BABAM2: variants seen among roughly 807,000 people sequenced by gnomAD.
BABAM2 encodes the protein BRISC and BRCA1-A complex member 2.
BABAM2 carries 31 observed loss-of-function variants against 54.7 expected under a neutral mutation model. The observed-to-expected ratio is 0.57, with a 90% CI of 0.43 to 0.77. BABAM2 has a LOEUF of 0.77. Among genes scored for constraint, BABAM2 ranks in the 30% least tolerant of loss-of-function variants. BABAM2 has a pLI of 0.00. For missense variants in BABAM2, 364 were observed against 455.8 expected, an observed-to-expected ratio of 0.80 and a Z score of 1.83; for synonymous variants, 167 against 162.9, an observed-to-expected ratio of 1.03 and a Z score of -0.19.
intron 3 of BABAM2, among the ~76,000 whole-genome samples, chr2:27,954,654 G>C (rs936965163): frequency 6.6e-6 from 1 of 152,104 alleles, no homozygotes; most frequent in Non-Finnish European, 1.5e-5. Context: ...CTTTTTCTTG[G>C]AGCATGAACT....
chr2:27,922,504 A>G (rs1323393594), intron 2 of BABAM2, among the ~76,000 whole-genome samples: 1 of 152,258 alleles, frequency 6.6e-6, no homozygotes, highest in Non-Finnish European at 1.5e-5. Context: ...CTTTGATGCT[A>G]TCAAGAATTC....
At chr2:28,165,949 A>T (rs150032218) in intron 7 of BABAM2, among the ~76,000 whole-genome samples, 1 of 152,144 alleles carries the variant, frequency 6.6e-6, no homozygotes, top group African/African-American at 2.4e-5. Flanking sequence ...GTTTTTGGAG[A>T]TAAGGCCTTT....
intron 4 of BABAM2, among the ~76,000 whole-genome samples, chr2:28,022,334 G>A (rs529258565): frequency 1.4e-4 from 21 of 152,340 alleles, no homozygotes; most frequent in South Asian, 6.2e-4. Flanking sequence ...TGGAGGAAGA[G>A]TAGGCAGATT....
chr2:28,054,753 A>G (rs1261132607), intron 6 of BABAM2, among the ~76,000 whole-genome samples: 1 of 152,196 alleles, frequency 6.6e-6, no homozygotes, highest in Non-Finnish European at 1.5e-5. Flanking sequence ...CACAGTTTAT[A>G]GTATTTTGTT....
chr2:27,955,792 C>T (rs7581610), intron 3 of BABAM2, among the ~76,000 whole-genome samples: 12,109 of 152,170 alleles, frequency 0.08, 736 homozygotes, highest in African/African-American at 0.16. Context: ...AATATTTGCA[C>T]TGGATTTTCA....
intron 5 of BABAM2, among the ~76,000 whole-genome samples, chr2:28,042,201 A>T (rs1677153161): frequency 1.3e-5 from 2 of 152,230 alleles, no homozygotes. Flanking sequence ...AGAAGAGCAC[A>T]AAATCAGGAA....
chr2:27,904,055 C>A (rs143908560), intron 2 of BABAM2, among the ~76,000 whole-genome samples: 24 of 152,040 alleles, frequency 1.6e-4, no homozygotes, highest in Non-Finnish European at 2.2e-4. Context: ...ACCAAGACAG[C>A]GACTAAGTGA....
At chr2:27,928,641 T>C (rs1667880724) in intron 2 of BABAM2, among the ~76,000 whole-genome samples, 1 of 152,198 alleles carries the variant, frequency 6.6e-6, no homozygotes, top group African/African-American at 2.4e-5. Flanking sequence ...ATTACTTTTA[T>C]AGGTTCTTTT....
intron 2 of BABAM2, among the ~76,000 whole-genome samples, chr2:27,922,984 G>A (rs1225728969): frequency 3.3e-5 from 5 of 152,132 alleles, no homozygotes; most frequent in African/African-American, 1.2e-4. Context: ...ATAAGGAAAT[G>A]GCTTTCTAGA....
At chr2:28,071,040 A>G (rs1411656046) in intron 6 of BABAM2, among the ~76,000 whole-genome samples, 1 of 152,054 alleles carries the variant, frequency 6.6e-6, no homozygotes, top group Admixed American at 6.5e-5. Context: ...TGAGAATAAG[A>G]TCTGCCCCAA....
chr2:28,038,269 A>G lies in BABAM2; in HGVS notation c.496-7456A>G, dbSNP rs1322421850. On this transcript the variant is annotated intron_variant, in intron 5 of 11. Transcript: ENST00000379624. ...GGTCTTTTGACTTAGCTTTAAAAAA[A>G]ATTCCCTCCAAGTAATGAGCCCCCA... 2.0e-5 allele frequency among the ~76,000 whole-genome samples: 3 copies of G among 152,176 alleles called. No homozygotes were observed. The East Asian group carries it at 5.8e-4, about 29-fold the overall frequency.
At chr2:28,327,204 TACC>T (rs1690542329) in intron 11 of BABAM2, 1 of 1,499,032 alleles carries the variant, frequency 6.7e-7, no homozygotes, top group African/African-American at 1.4e-5. Context: ...CCATTAGGAC[TACC>T]CTGTCCCTCC....
intron 2 of BABAM2, among the ~76,000 whole-genome samples, chr2:27,902,529 G>A (rs751838352): frequency 2.0e-5 from 3 of 152,104 alleles, no homozygotes; most frequent in South Asian, 2.1e-4. Flanking sequence ...CTACTATTCT[G>A]TAGCCTCACC....
At chr2:28,078,938 C>T (rs566445008) in intron 6 of BABAM2, among the ~76,000 whole-genome samples, 1 of 152,296 alleles carries the variant, frequency 6.6e-6, no homozygotes, top group African/African-American at 2.4e-5. Context: ...AATCATTAAA[C>T]AAGTGGTTCT....
intron 7 of BABAM2, among the ~76,000 whole-genome samples, chr2:28,174,824 C>T (rs143776172): frequency 0.013 from 2,007 of 152,210 alleles, 29 homozygotes; most frequent in South Asian, 0.049. Flanking sequence ...GCATCCTTTC[C>T]TAGGGCCTGA....
intron 4 of BABAM2, among the ~76,000 whole-genome samples, chr2:28,023,059 G>A (rs1320648960): frequency 6.6e-6 from 1 of 152,178 alleles, no homozygotes; most frequent in Non-Finnish European, 1.5e-5. Flanking sequence ...GTTTTCCAGT[G>A]AGTTTGCCTT....
At chr2:28,155,937 A>G (rs1672504706) in intron 7 of BABAM2, among the ~76,000 whole-genome samples, 1 of 152,172 alleles carries the variant, frequency 6.6e-6, no homozygotes, top group South Asian at 2.1e-4. Flanking sequence ...AACATGAGGT[A>G]CTTACATTTT....
Position 28,031,920 on chromosome 2 carries a change from C to T in BABAM2, c.495+6500C>T, listed in dbSNP as rs1676321298. Among the ~76,000 whole-genome samples the T allele has an allele frequency of 2.6e-5, 4 of 152,280 alleles. No individual in the cohort carries two copies. In the South Asian group the frequency reaches 6.2e-4, roughly 24 times the overall value. ...AACTGGCTTACTGATCAGTAAAACA[C>T]ATCTATTATGTCTTAGTGGCATTTT... On this transcript the variant is annotated intron_variant, in intron 5 of 11. Transcript: ENST00000379624.
Position 27,958,515 on chromosome 2 carries a change from C to T in BABAM2, c.205+28607C>T, listed in dbSNP as rs1425602368. Among the ~76,000 whole-genome samples, 4 of 148,780 alleles carry T rather than the reference C, an allele frequency of 2.7e-5. No individual in the cohort carries two copies. The East Asian group carries it at 7.8e-4, about 29-fold the overall frequency. On this transcript the variant is annotated intron_variant, in intron 3 of 11. Transcript: ENST00000379624. ...TAAATGTATATATATAACATATATA[C>T]ATATACATATATGCATAAACTTATA...
Sources: allele counts gnomAD v4.1 joint callset (sites outside exome capture counted in the v4.1 genomes callset), GRCh38; gene constraint gnomAD v4.1.1; transcripts MANE v1.5; gene names NCBI Gene and HGNC (gene_info 2026-07-23, HGNC 2026-07-21).